TANC2: variants seen among roughly 807,000 people sequenced by gnomAD.
TANC2 encodes the protein tetratricopeptide repeat, ankyrin repeat and coiled-coil containing 2, also known as protein TANC2.
TANC2 carries 26 observed loss-of-function variants against 210.5 expected under a neutral mutation model. That is an observed-to-expected ratio of 0.12 (90% CI 0.09 to 0.17). The LOEUF (loss-of-function observed/expected upper bound fraction) is 0.17. Ranked by LOEUF, TANC2 falls within the 10% of genes least tolerant of loss-of-function variation. TANC2 has a pLI of 1.00. For missense variants in TANC2, 2,129 were observed against 2,608.9 expected (o/e 0.82, Z 4.01); for synonymous variants, 931 against 967.1 (o/e 0.96, Z 0.69).
intron 3 of TANC2, among the ~76,000 whole-genome samples, chr17:63,092,107 T>C (rs1158243775): frequency 6.6e-6 from 1 of 152,174 alleles, no homozygotes; most frequent in Non-Finnish European, 1.5e-5. Context: ...AAGATTCTGT[T>C]GCATGTATAT....
chr17:62,978,057 A>G (rs1034460845), intron 1 of TANC2, among the ~76,000 whole-genome samples: 1 of 152,220 alleles, frequency 6.6e-6, no homozygotes, highest in Non-Finnish European at 1.5e-5. Context: ...AATATTTTAT[A>G]GTACACTGTA....
intron 8 of TANC2, among the ~76,000 whole-genome samples, chr17:63,254,910 C>A (rs1412017681): frequency 1.3e-5 from 2 of 151,926 alleles, no homozygotes; most frequent in Non-Finnish European, 2.9e-5. Context: ...CATCAGTGTT[C>A]ATCAGGAATA....
intron 9 of TANC2, among the ~76,000 whole-genome samples, chr17:63,289,280 TTTCTCC>T (rs2044314278): frequency 6.6e-6 from 1 of 152,184 alleles, no homozygotes; most frequent in Non-Finnish European, 1.5e-5. Flanking sequence ...TTTTCTCTTT[TTTCTCC>T]TTCTGGTATT....
At chr17:63,398,459 A>T (rs1476977496) in intron 18 of TANC2, among the ~76,000 whole-genome samples, 2 of 151,764 alleles carry the variant, frequency 1.3e-5, no homozygotes, top group African/African-American at 4.8e-5. Context: ...CTGTCTCAAA[A>T]AAAAAAAAAA....
chr17:63,308,960 T>A (rs1177525503), intron 9 of TANC2, among the ~76,000 whole-genome samples: 1 of 152,192 alleles, frequency 6.6e-6, no homozygotes, highest in Non-Finnish European at 1.5e-5. Flanking sequence ...TATTGTTAGC[T>A]TCCATCTGCA....
chr17:63,332,648 A>T, intron 11 of TANC2: 1 of 195,568 alleles, frequency 5.1e-6, no homozygotes, highest in South Asian at 1.0e-4. Context: ...CCCGAGAGCA[A>T]TGATAGATTC....
intron 15 of TANC2, among the ~76,000 whole-genome samples, chr17:63,382,809 A>C (rs1239497786): frequency 6.6e-6 from 1 of 152,214 alleles, no homozygotes; most frequent in East Asian, 1.9e-4. Flanking sequence ...CCTGTTCATA[A>C]ACAATATATA....
At chr17:63,165,577 A>G (rs1438957534) in intron 5 of TANC2, among the ~76,000 whole-genome samples, 2 of 152,304 alleles carry the variant, frequency 1.3e-5, no homozygotes, top group East Asian at 3.9e-4. Flanking sequence ...TCTTCCTAGA[A>G]TGGTGCTTTT....
chr17:63,363,153 T>C (rs1015722858), intron 14 of TANC2, among the ~76,000 whole-genome samples: 2 of 152,260 alleles, frequency 1.3e-5, no homozygotes, highest in Non-Finnish European at 2.9e-5. Flanking sequence ...CATTTGTGTG[T>C]CTTCTTTTGA....
intron 2 of TANC2, among the ~76,000 whole-genome samples, chr17:63,062,495 T>C (rs891180102): frequency 6.6e-6 from 1 of 152,224 alleles, no homozygotes; most frequent in Non-Finnish European, 1.5e-5. Context: ...TTCTGAACTT[T>C]CTACTGCAGG....
At chr17:63,148,095 A>G (rs181449841) in intron 4 of TANC2, 26 of 152,336 alleles carry the variant, frequency 1.7e-4, no homozygotes, top group Non-Finnish European at 3.7e-4. Context: ...ACAAACACAG[A>G]AAGGTTCTTA....
intron 5 of TANC2, among the ~76,000 whole-genome samples, chr17:63,169,269 T>C (rs921656820): frequency 5.3e-5 from 8 of 152,248 alleles, no homozygotes; most frequent in African/African-American, 1.2e-4. Flanking sequence ...CTATTACTTA[T>C]GTTAGTTCTT....
chr17:63,295,091 A>G (rs998175127), intron 9 of TANC2, among the ~76,000 whole-genome samples: 1 of 152,218 alleles, frequency 6.6e-6, no homozygotes, highest in African/African-American at 2.4e-5. Flanking sequence ...CTAAATTTAT[A>G]GTCGAGTACA....
In TANC2 at chr17:63,420,330, C is replaced by A; in HGVS notation, c.4600C>A (p.Arg1534=). The A allele has an allele frequency of 1.2e-6, 2 of 1,613,934 alleles. No individual in the cohort carries two copies. Among genetic ancestry groups the A allele is most frequent in the Non-Finnish European group, 1.7e-6 (2 of 1,179,866 alleles). Reference sequence around the variant, plus strand: ...GAGCCCACCCTCCTCTCCCCCGCATCGGGACTCAGCCTACATCTCCAGCTC... The same window carrying A: ...GAGCCCACCCTCCTCTCCCCCGCATAGGGACTCAGCCTACATCTCCAGCTC... Residue 1534 remains arginine (R), a synonymous_variant, in exon 28 of 28, where the codon CGG becomes AGG. Coordinates refer to ENST00000689528, the Ensembl canonical transcript of TANC2. This position sits in a 1 kb window ranked among gnomAD's most constrained non-coding sequence, Gnocchi z 4.2.
intron 5 of TANC2, among the ~76,000 whole-genome samples, chr17:63,190,403 C>T (rs2041144512): frequency 6.6e-6 from 1 of 152,142 alleles, no homozygotes; most frequent in South Asian, 2.1e-4. Context: ...CTCTTTATTT[C>T]ATTGGTCTAT....
intron 4 of TANC2, among the ~76,000 whole-genome samples, chr17:63,103,353 A>C (rs2037703604): frequency 6.6e-6 from 1 of 152,194 alleles, no homozygotes; most frequent in South Asian, 2.1e-4. Flanking sequence ...AGGGAGTAAG[A>C]ATGGGTAAAG....
At chr17:62,972,230 G>GT (rs1312513443) in intron 1 of TANC2, among the ~76,000 whole-genome samples, 2 of 152,056 alleles carry the variant, frequency 1.3e-5, no homozygotes, top group Non-Finnish European at 2.9e-5. Context: ...CATATAAGTT[G>GT]TTTTTTTGTT....
intron 3 of TANC2, among the ~76,000 whole-genome samples, chr17:63,096,986 G>A (rs181594384): frequency 6.7e-6 from 1 of 150,136 alleles, no homozygotes; most frequent in Non-Finnish European, 1.5e-5. Context: ...ACATGTTCTT[G>A]TTGGCCATTT....
intron 5 of TANC2, among the ~76,000 whole-genome samples, chr17:63,193,767 C>A (rs1450082841): frequency 3.3e-5 from 5 of 152,104 alleles, no homozygotes; most frequent in African/African-American, 1.2e-4. Flanking sequence ...CATTTATAAT[C>A]ATTTTGAGTT....
Sources: allele counts gnomAD v4.1 joint callset (sites outside exome capture counted in the v4.1 genomes callset), GRCh38; gene constraint gnomAD v4.1.1; non-coding constraint Gnocchi (gnomAD v3.1); transcripts MANE v1.5; gene names NCBI Gene and HGNC (gene_info 2026-07-23, HGNC 2026-07-21).